The following GHSR variants were observed in gnomAD, a reference collection of about 807,000 sequenced individuals.
The protein encoded by GHSR is growth hormone secretagogue receptor.
In GHSR, 17 loss-of-function variants were observed where a neutral mutation model predicts 24.0. That is an observed-to-expected ratio of 0.71 (90% confidence interval 0.49 to 1.06). The LOEUF is 1.06. Among genes scored for constraint, GHSR ranks in the 50% least tolerant of loss-of-function variants. The pLI is 0.00. For synonymous variants in GHSR, 238 were observed against 208.1 expected (o/e 1.14, Z -1.24); for missense variants, 504 against 483.1 (o/e 1.04, Z -0.41).
intron 1 of GHSR, among the ~76,000 whole-genome samples, chr3:172,446,236 A>G (rs1737460382): frequency 6.6e-6 from 1 of 152,210 alleles, no homozygotes. Context: ...AAGAAAGTTA[A>G]CATTGGTGTT....
At chr3:172,447,464 T>C in intron 1 of GHSR, 154 bp downstream of exon 1, 2 of 1,460,558 alleles carry the variant, frequency 1.4e-6, no homozygotes, top group Non-Finnish European at 9.1e-7. Context: ...GAGAGAATAA[T>C]TGAGAGAAAC....
At position 172,448,327 on chromosome 3, in the gene GHSR, C is replaced by G; in HGVS notation, c.87G>C (p.Ser29=). The change falls in exon 1 of 2, where the codon TCG becomes TCC. Residue 29 remains serine (S), a synonymous_variant. Transcript: ENST00000241256. The surrounding 1 kb of genome is among the most constrained non-coding windows in gnomAD (Gnocchi z 4.8). ...LDWDASPGND[S]LGDELLQLFP... is the part of the protein sequence containing the mutation. ...AGAGCTGCAGCAGCTCGTCGCCCAG[C>G]GAGTCGTTGCCGGGGGAAGCATCCC... 6 of 1,606,970 alleles carry G rather than the reference C, an allele frequency of 3.7e-6. No homozygotes were observed. Among genetic ancestry groups the G allele is most frequent in the Non-Finnish European group, 5.1e-6 (6 of 1,179,792 alleles).
chr3:172,448,347 C>A lies in GHSR; in HGVS notation c.67G>T (p.Ala23Ser). The part of the protein sequence containing the change: ...NLTLADLDWD[A>S]SPGNDSLGDE... ...CCCAGCGAGTCGTTGCCGGGGGAAG[C>A]ATCCCAGTCCAGGTCGGCCAGTGTG... The change falls in exon 1 of 2, where the codon GCT becomes TCT. Residue 23 changes from alanine (A) to serine (S), a missense_variant. Ala to Ser is a moderately conservative substitution (Grantham distance 99). Transcript: ENST00000241256. The surrounding 1 kb of genome is among the most constrained non-coding windows in gnomAD (Gnocchi z 4.8). 6.2e-7 allele frequency: 1 copy of A among 1,602,874 alleles called. No individual in the cohort carries two copies. The highest frequency in any genetic ancestry group is 8.5e-7 in the Non-Finnish European group (1 of 1,179,776).
chr3:172,447,447 G>T, intron 1 of GHSR, 171 bp downstream of exon 1: 1 of 1,393,020 alleles, frequency 7.2e-7, no homozygotes, highest in Non-Finnish European at 9.6e-7. Flanking sequence ...ACTCAAGAAA[G>T]CAAGAGGAGA....
Position 172,443,401 on chromosome 3 carries a change from T to A in GHSR, c.*1760A>T, listed in dbSNP as rs1008278789. Among the ~76,000 whole-genome samples, 1 of 152,140 alleles carries A rather than the reference T, an allele frequency of 6.6e-6. No homozygotes were observed. ...AGTGTCAGAACGAATCTCAGAAATA[T>A]TTTTCTAGAGAAATGATTCTAATTA... On this transcript the variant is annotated 3_prime_UTR_variant, in exon 2 of 2. Coordinates refer to ENST00000241256, the MANE Select transcript of GHSR (RefSeq NM_198407.2).
rs148371213 is a variant in GHSR at position 172,445,415 on chromosome 3, G to T, written c.847C>A (p.Arg283=). Reference sequence around the variant, plus strand: ...TCAAAGGATTTGGAAAATAAATATCGCCCTACGTGGAAGGGGAGCCAGCAG... The same window carrying T: ...TCAAAGGATTTGGAAAATAAATATCTCCCTACGTGGAAGGGGAGCCAGCAG... ...ILCWLPFHVG[R]YLFSKSFEPG... The change falls in exon 2 of 2, where the codon CGA becomes AGA. Residue 283 remains arginine, a synonymous_variant. Transcript: ENST00000241256. 1.2e-6 allele frequency: 2 copies of T among 1,613,860 alleles called. No homozygotes were observed. The highest frequency in any genetic ancestry group is 1.7e-6 in the Non-Finnish European group (2 of 1,180,008).
At position 172,445,032 on chromosome 3, in the gene GHSR, C is replaced by T; in HGVS notation, c.*129G>A. On this transcript the variant is annotated 3_prime_UTR_variant, in exon 2 of 2. Transcript: ENST00000241256. ...CACCCTACAAATGATATCTTTTTTC[C>T]CTCCCAGATGTTTCTGGATCTATGT... The T allele has an allele frequency of 4.0e-6, 4 of 997,626 alleles. No individual in the cohort carries two copies. The highest frequency in any genetic ancestry group is 3.7e-5 in the Admixed American group (2 of 53,992). The allele number at this position is 997,626 out of a possible 1,614,324, so 61.8% of individuals were successfully genotyped here. A position where few individuals can be genotyped will look rare whatever the true frequency, so the allele number is the denominator to read the frequency against.
intron 1 of GHSR, among the ~76,000 whole-genome samples, chr3:172,446,387 T>C (rs1737464374): frequency 1.3e-5 from 2 of 152,306 alleles, no homozygotes; most frequent in African/African-American, 4.8e-5. Flanking sequence ...TTAGGATCCC[T>C]TGGAGGACAC....
At position 172,445,105 on chromosome 3, in the gene GHSR, T is replaced by C; in HGVS notation, c.*56A>G. On this transcript the variant is annotated 3_prime_UTR_variant, in exon 2 of 2. Coordinates refer to ENST00000241256, the MANE Select transcript of GHSR (RefSeq NM_198407.2). ...TTCAGCTTCCTCCCAAGTTCTGCTGTGCTATGTCTTCCGGTTTAGAGTAAT... is the reference window on the plus strand; with the variant it reads ...TTCAGCTTCCTCCCAAGTTCTGCTGCGCTATGTCTTCCGGTTTAGAGTAAT... 1 of 1,588,526 alleles carries C rather than the reference T, an allele frequency of 6.3e-7. No homozygotes were observed. The highest frequency in any genetic ancestry group is 1.1e-5 in the South Asian group (1 of 90,458).
Position 172,448,336 on chromosome 3 carries a change from G to A in GHSR, c.78C>T (p.Gly26=), listed in dbSNP as rs199870358. 1.9e-6 allele frequency: 3 copies of A among 1,604,556 alleles called. No individual in the cohort carries two copies. The highest frequency in any genetic ancestry group is 2.5e-6 in the Non-Finnish European group (3 of 1,179,822). Residue 26 remains glycine, a synonymous_variant, in exon 1 of 2, where the codon GGC becomes GGT. Transcript: ENST00000241256. This position sits in a 1 kb window ranked among gnomAD's most constrained non-coding sequence, Gnocchi z 4.8. ...GCAGCTCGTCGCCCAGCGAGTCGTT[G>A]CCGGGGGAAGCATCCCAGTCCAGGT... ...LADLDWDASP[G]NDSLGDELLQ...
chr3:172,447,010 G>A (rs1368091190), intron 1 of GHSR, among the ~76,000 whole-genome samples: 1 of 152,144 alleles, frequency 6.6e-6, no homozygotes, highest in Non-Finnish European at 1.5e-5. Context: ...AAAAAATGCA[G>A]GGCAGAAAAC....
In GHSR at chr3:172,443,304, C is replaced by T. The variant is rs542528748; in HGVS notation, c.*1857G>A. On this transcript the variant is annotated 3_prime_UTR_variant, in exon 2 of 2. Transcript: ENST00000241256. The stretch of plus-strand genomic sequence containing the variant: ...TGTTTTTTTTTTTTTAATATTGATG[C>T]ACTCTTAGGAATTAACTACATAATC... Among the ~76,000 whole-genome samples the T allele has an allele frequency of 3.3e-5, 5 of 151,262 alleles. No homozygotes were observed. The South Asian group carries it at 8.3e-4, about 25-fold the overall frequency.
Position 172,447,678 on chromosome 3 carries a change from C to T in GHSR, c.736G>A (p.Asp246Asn), listed in dbSNP as rs1576993178. ...CTGAGCGAGGCACCCACGACAGCAT[C>T]GCCGCGCCTCCTCCGCCACAGCTTC... ...GRKLWRRRRG[D>N]AVVGASLRDQ... Residue 246 changes from aspartate to asparagine, a missense_variant, in exon 1 of 2, where the codon GAT becomes AAT. Asp to Asn is a conservative substitution (Grantham distance 23). Coordinates refer to ENST00000241256, the MANE Select transcript of GHSR (RefSeq NM_198407.2). 1 of 1,614,072 alleles carries T rather than the reference C, an allele frequency of 6.2e-7. No individual in the cohort carries two copies.
chr3:172,447,343 A>C (rs1439234319), intron 1 of GHSR, among the ~76,000 whole-genome samples: 1 of 152,068 alleles, frequency 6.6e-6, no homozygotes, highest in East Asian at 1.9e-4. Context: ...AGAGACACAA[A>C]GAGATAGAGA....
In GHSR at chr3:172,448,419, C is replaced by A. The variant is rs755709287; in HGVS notation, c.-6G>T. 2 of 1,587,650 alleles carry A rather than the reference C, an allele frequency of 1.3e-6. No homozygotes were observed. The highest frequency in any genetic ancestry group is 1.1e-5 in the South Asian group (1 of 89,144). On this transcript the variant is annotated 5_prime_UTR_variant, in exon 1 of 2. Transcript: ENST00000241256. This position sits in a 1 kb window ranked among gnomAD's most constrained non-coding sequence, Gnocchi z 4.8. ...CTGGGCGTCGCGTTCCACATGCTGC[C>A]GGCTCAGCTGAACAGGCTCTGGGAC...
At chr3:172,446,281 A>G (rs1483226802) in intron 1 of GHSR, among the ~76,000 whole-genome samples, 1 of 152,236 alleles carries the variant, frequency 6.6e-6, no homozygotes, top group African/African-American at 2.4e-5. Flanking sequence ...GCTTGAAAAT[A>G]AAATTGGAGG....
Position 172,443,950 on chromosome 3 carries a change from A to G in GHSR, c.*1211T>C, listed in dbSNP as rs966902598. Among the ~76,000 whole-genome samples the G allele has an allele frequency of 1.3e-5, 2 of 152,174 alleles. No individual in the cohort carries two copies. Among genetic ancestry groups the G allele is most frequent in the African/African-American group, 4.8e-5 (2 of 41,454 alleles). ...CAGTTTTTCACATAAGCCTGCCTTCATCACTTGAAAAATTTCTATATTCAT... is the reference window on the plus strand; with the variant it reads ...CAGTTTTTCACATAAGCCTGCCTTCGTCACTTGAAAAATTTCTATATTCAT... On this transcript the variant is annotated 3_prime_UTR_variant, in exon 2 of 2. Coordinates refer to ENST00000241256, the MANE Select transcript of GHSR (RefSeq NM_198407.2).
chr3:172,448,151 G>T lies in GHSR; in HGVS notation c.263C>A (p.Ser88Tyr), dbSNP rs1560129737. The change falls in exon 1 of 2, where the codon TCC (serine) becomes TAC (tyrosine). Residue 88 changes from serine (S) to tyrosine (Y), a missense_variant. Coordinates refer to ENST00000241256, the MANE Select transcript of GHSR (RefSeq NM_198407.2). This position sits in a 1 kb window ranked among gnomAD's most constrained non-coding sequence, Gnocchi z 4.8. ...CATGCAGAGGAAGATGAGCAGATCG[G>T]AGAAGGCCATGCTGGACAGGTAGAG... ...TNLYLSSMAF[S>Y]DLLIFLCMPL... 6 of 1,614,114 alleles carry T rather than the reference G, an allele frequency of 3.7e-6. No individual in the cohort carries two copies. In the Admixed American group the frequency reaches 1.0e-4, roughly 27 times the overall value.
At chr3:172,446,318 AAGTTGTAT>A (rs1177618632) in intron 1 of GHSR, among the ~76,000 whole-genome samples, 6 of 152,238 alleles carry the variant, frequency 3.9e-5, no homozygotes, top group South Asian at 2.1e-4. Flanking sequence ...CCTTAAAACT[AAGTTGTAT>A]AGTAGCAACT....
Sources: gnomAD v4.1 joint callset for allele counts (sites outside exome capture counted in the v4.1 genomes callset) on GRCh38, gnomAD v4.1.1 for gene constraint, Gnocchi (gnomAD v3.1) non-coding constraint, MANE v1.5 for transcripts, NCBI Gene and HGNC (gene_info 2026-07-23, HGNC 2026-07-21) for gene names.